Variants in RUBCNL observed in about 807,000 individuals in gnomAD.
RUBCNL encodes the protein protein associated with UVRAG as autophagy enhancer.
A neutral mutation model predicts 69.5 loss-of-function variants in RUBCNL; 62 were observed. That is an observed-to-expected ratio of 0.89 (90% CI 0.73 to 1.10). The LOEUF is 1.10. Among genes scored for constraint, RUBCNL ranks in the 50% least tolerant of loss-of-function variants. The probability of loss-of-function intolerance (pLI) is 0.00; values close to 1 mark genes in which losing one functional copy is unlikely to be tolerated. For missense variants in RUBCNL, 768 were observed against 798.1 expected, an observed-to-expected ratio of 0.96 and a Z score of 0.45; for synonymous variants, 291 against 303.6, an observed-to-expected ratio of 0.96 and a Z score of 0.43.
chr13:46,375,403 G>T (rs1357082061), intron 2 of RUBCNL, among the ~76,000 whole-genome samples: 1 of 152,008 alleles, frequency 6.6e-6, no homozygotes, highest in Non-Finnish European at 1.5e-5. Flanking sequence ...CGTGGTGGCG[G>T]GCGCCTATAA....
In RUBCNL at chr13:46,377,993, T is replaced by C. The variant is rs559395756; in HGVS notation, c.-226A>G. The stretch of plus-strand genomic sequence containing the variant: ...TAGTGACAGGAGGTCAATATCCCCA[T>C]TTTTTATTTTATCTGTAAGGCAAAA... On this transcript the variant is annotated 5_prime_UTR_variant, in exon 2 of 15. The change abolishes an upstream ATG in the 5' untranslated region. Coordinates refer to ENST00000429979, the MANE Select transcript of RUBCNL (RefSeq NM_025113.5). 6.4e-6 allele frequency: 10 copies of C among 1,555,616 alleles called. No individual in the cohort carries two copies. Among genetic ancestry groups the C allele is most frequent in the Non-Finnish European group, 8.7e-6 (10 of 1,153,058 alleles).
chr13:46,368,220 CAT>C lies in RUBCNL; in HGVS notation c.646_647del (p.Met216AspfsTer11). On this transcript the variant is annotated frameshift_variant, in exon 5 of 15. Coordinates refer to ENST00000429979, the MANE Select transcript of RUBCNL (RefSeq NM_025113.5). LOFTEE classifies it high-confidence loss of function. ...KENAHFYVAD[M>X]IISAMEKMKC... is the part of the protein sequence containing the mutation. ...TCATTTTCTCCATTGCTGATATAATCATATCTGCAACATAAAAGTGGGCATTT... is the reference window on the plus strand; with the variant it reads ...TCATTTTCTCCATTGCTGATATAATCATCTGCAACATAAAAGTGGGCATTT... 1 of 1,613,678 alleles carries C rather than the reference CAT, an allele frequency of 6.2e-7. No homozygotes were observed. The highest frequency in any genetic ancestry group is 1.3e-5 in the African/African-American group (1 of 75,018).
chr13:46,361,951 C>T (rs1268535664), intron 7 of RUBCNL, among the ~76,000 whole-genome samples: 1 of 151,774 alleles, frequency 6.6e-6, no homozygotes, highest in Non-Finnish European at 1.5e-5. Context: ...TATGGTCGGG[C>T]ATGGTGGCTC....
At chr13:46,385,988 G>A (rs944025866) in intron 1 of RUBCNL, among the ~76,000 whole-genome samples, 1 of 152,208 alleles carries the variant, frequency 6.6e-6, no homozygotes, top group African/African-American at 2.4e-5. Context: ...TTGAGAAACA[G>A]AGGTGTCCTG....
chr13:46,360,025 C>T (rs191152337), intron 8 of RUBCNL, among the ~76,000 whole-genome samples: 111 of 152,300 alleles, frequency 7.3e-4, no homozygotes, highest in African/African-American at 2.4e-3. Context: ...CTATTAAGAC[C>T]TTTCCCCTTG....
At chr13:46,389,617 AAACTGCCATAAGGC>A (rs1223650481), upstream of RUBCNL, among the ~76,000 whole-genome samples, 1 of 152,228 alleles carries the variant, frequency 6.6e-6, no homozygotes, top group Non-Finnish European at 1.5e-5. The surrounding 1 kb of genome is among the most constrained non-coding windows in gnomAD (Gnocchi z 4.2). Context: ...ACCTTTCTCA[AAACTGCCATAAGGC>A]AGGCCTAGGC....
In RUBCNL at chr13:46,335,990, C is replaced by T. The variant is rs2764593; in HGVS notation, c.*7395G>A. Among the ~76,000 whole-genome samples, 47,472 of 152,028 alleles carry T rather than the reference C, an allele frequency of 0.31. 7,597 individuals carry two copies. Among genetic ancestry groups the T allele is most frequent in the Middle Eastern group, 0.38 (112 of 294 alleles). On this transcript the variant is annotated 3_prime_UTR_variant, in exon 15 of 15. Coordinates refer to ENST00000429979, the MANE Select transcript of RUBCNL (RefSeq NM_025113.5). ...ATGGCAAAACTGAGCCCTGGAATCT[C>T]TGTCTTTATTTAGAGATGGACAGAG...
chr13:46,373,739 A>G (rs1249976809), intron 2 of RUBCNL, among the ~76,000 whole-genome samples: 1 of 152,268 alleles, frequency 6.6e-6, no homozygotes, highest in African/African-American at 2.4e-5. Flanking sequence ...AGTGGTGAAC[A>G]GGAGACTTTG....
rs567796732 is a variant in RUBCNL, at chr13:46,336,864, T to C, written c.*6521A>G. Among the ~76,000 whole-genome samples, 5 of 152,158 alleles carry C rather than the reference T, an allele frequency of 3.3e-5. No homozygotes were observed. The highest frequency in any genetic ancestry group is 7.3e-5 in the Non-Finnish European group (5 of 68,028). ...TGAGGTTAAAGAATTTTTTTCTCTC[T>C]GCATATTCCTTTATTTTTTAATGTA... On this transcript the variant is annotated 3_prime_UTR_variant, in exon 15 of 15. Transcript: ENST00000429979.
Position 46,361,423 on chromosome 13 carries a change from A to T in RUBCNL, c.1119+18T>A, listed in dbSNP as rs778500330. Reference sequence around the variant, plus strand: ...TTTAGGAACTTTCAATTCAAGGTCAATTTTTTTTGATACTTACTATCGAGC... The same window carrying T: ...TTTAGGAACTTTCAATTCAAGGTCATTTTTTTTTGATACTTACTATCGAGC... On this transcript the variant is annotated intron_variant, in intron 8 of 14. Coordinates refer to ENST00000429979, the MANE Select transcript of RUBCNL (RefSeq NM_025113.5). 113 of 1,609,928 alleles carry T rather than the reference A, an allele frequency of 7.0e-5. No homozygotes were observed. The highest frequency in any genetic ancestry group is 9.2e-5 in the Non-Finnish European group (108 of 1,177,544).
chr13:46,355,487 G>A (rs537910415), intron 10 of RUBCNL, among the ~76,000 whole-genome samples: 39 of 152,098 alleles, frequency 2.6e-4, no homozygotes, highest in Non-Finnish European at 3.4e-4. Context: ...TAGTAGAGAT[G>A]TGGTTTCACA....
chr13:46,359,560 CTTAAA>C lies in RUBCNL; in HGVS notation c.1186_1190del (p.Phe396ValfsTer2). 6.3e-7 allele frequency: 1 copy of C among 1,592,180 alleles called. No individual in the cohort carries two copies. On this transcript the variant is annotated frameshift_variant, in exon 9 of 15. Coordinates refer to ENST00000429979, the MANE Select transcript of RUBCNL (RefSeq NM_025113.5). LOFTEE classifies it high-confidence loss of function. ...AGTCTTCAGTCCCTCTGATCCTAGA[CTTAAA>C]TTTAATTTCCTGTACTACATTCATA...
intron 7 of RUBCNL, 55 bp downstream of exon 7, chr13:46,362,483 G>T: frequency 8.2e-7 from 1 of 1,213,186 alleles, no homozygotes; most frequent in Non-Finnish European, 1.2e-6. Context: ...GTTTCACACT[G>T]CCTCAGAGGT....
chr13:46,356,365 TGCCCTACTTTGCTATTCTG>T, intron 10 of RUBCNL, 48 bp downstream of exon 10: 2 of 1,476,412 alleles, frequency 1.4e-6, no homozygotes, highest in Non-Finnish European at 1.9e-6. Flanking sequence ...AGCAATGCGC[TGCCCTACTTTGCTATTCTG>T]GACCTTGTCA....
At chr13:46,379,553 G>A (rs992414683) in intron 1 of RUBCNL, among the ~76,000 whole-genome samples, 1 of 152,136 alleles carries the variant, frequency 6.6e-6, no homozygotes, top group Non-Finnish European at 1.5e-5. Context: ...ACCCAAGAAA[G>A]GAAGTCAAGA....
At chr13:46,357,312 G>A (rs758945468) in intron 9 of RUBCNL, among the ~76,000 whole-genome samples, 10 of 133,394 alleles carry the variant, frequency 7.5e-5, no homozygotes, top group African/African-American at 2.3e-4. Flanking sequence ...CAGCCTGGGC[G>A]ATAGAGTGAG....
intron 5 of RUBCNL, among the ~76,000 whole-genome samples, chr13:46,365,732 C>A (rs1049594941): frequency 6.6e-6 from 1 of 152,124 alleles, no homozygotes; most frequent in Non-Finnish European, 1.5e-5. Flanking sequence ...GGGAATGGCA[C>A]GAGATTCCTG....
chr13:46,368,662 GATTTAAATCAGAACAAC>G, intron 4 of RUBCNL, 54 bp downstream of exon 4: 1 of 1,420,644 alleles, frequency 7.0e-7, no homozygotes, highest in Non-Finnish European at 9.7e-7. Flanking sequence ...GAAGTTTCCA[GATTTAAATCAGAACAAC>G]ACTATCTAAA....
intron 2 of RUBCNL, among the ~76,000 whole-genome samples, chr13:46,375,737 T>G (rs1200145969): frequency 6.6e-6 from 1 of 152,144 alleles, no homozygotes; most frequent in Admixed American, 6.5e-5. Flanking sequence ...CTCAAGAGTT[T>G]TGGAGACTTC....
Sources: gnomAD v4.1 joint callset for allele counts (sites outside exome capture counted in the v4.1 genomes callset) on GRCh38, gnomAD v4.1.1 for gene constraint, Gnocchi (gnomAD v3.1) non-coding constraint, MANE v1.5 for transcripts, NCBI Gene and HGNC (gene_info 2026-07-23, HGNC 2026-07-21) for gene names.